ENTREP2: variants seen among roughly 807,000 people sequenced by gnomAD.
ENTREP2 encodes protein ENTREP2.
At chr15:29,156,931 C>G in the ENTREP2 span, among the ~76,000 whole-genome samples, 1 of 151,906 alleles carries the variant, frequency 6.6e-6, no homozygotes, top group Non-Finnish European at 1.5e-5. Context: ...CCCGTCTCCA[C>G]TAAAAATATA....
the ENTREP2 span, among the ~76,000 whole-genome samples, chr15:29,336,183 C>A: frequency 6.6e-6 from 1 of 150,406 alleles, no homozygotes; most frequent in African/African-American, 2.4e-5. Context: ...GGACATAAAC[C>A]CTTTTCCTAT....
the ENTREP2 span, among the ~76,000 whole-genome samples, chr15:29,647,471 A>G: frequency 6.6e-6 from 1 of 152,194 alleles, no homozygotes; most frequent in Non-Finnish European, 1.5e-5. Flanking sequence ...CTCTAATGCT[A>G]TTCTATCTCC....
the ENTREP2 span, among the ~76,000 whole-genome samples, chr15:29,628,975 C>T: frequency 6.6e-6 from 1 of 152,280 alleles, no homozygotes; most frequent in African/African-American, 2.4e-5. Context: ...GTCTTGAACT[C>T]CTGACCTCAA....
chr15:29,552,940 C>T, the ENTREP2 span, among the ~76,000 whole-genome samples: 1 of 152,190 alleles, frequency 6.6e-6, no homozygotes. Context: ...CTGGAAAGTT[C>T]TCCAATGAGG....
the ENTREP2 span, chr15:29,233,793 C>T: frequency 1.3e-6 from 2 of 1,562,194 alleles, no homozygotes; most frequent in Non-Finnish European, 1.8e-6. Context: ...CCAGATGCCT[C>T]AACAGACTGC....
the ENTREP2 span, among the ~76,000 whole-genome samples, chr15:29,193,907 C>T: frequency 1.6e-3 from 244 of 152,146 alleles, 2 homozygotes; most frequent in African/African-American, 5.8e-3. Flanking sequence ...ATACTTTAAG[C>T]ATAACTATTA....
At chr15:29,654,939 AG>A in the ENTREP2 span, among the ~76,000 whole-genome samples, 2 of 152,164 alleles carry the variant, frequency 1.3e-5, no homozygotes, top group Admixed American at 1.3e-4. Flanking sequence ...TCATGGCTTG[AG>A]TTTGACAAAA....
the ENTREP2 span, among the ~76,000 whole-genome samples, chr15:29,421,281 C>T: frequency 2.0e-5 from 3 of 152,178 alleles, no homozygotes; most frequent in Non-Finnish European, 4.4e-5. Flanking sequence ...ATAATATCTG[C>T]ATAGGTATAA....
At chr15:29,249,058 A>C in the ENTREP2 span, among the ~76,000 whole-genome samples, 1 of 152,228 alleles carries the variant, frequency 6.6e-6, no homozygotes, top group Non-Finnish European at 1.5e-5. Context: ...GTGGTGGCTC[A>C]TGCCTGTAAT....
chr15:29,481,978 G>A, the ENTREP2 span, among the ~76,000 whole-genome samples: 1 of 151,948 alleles, frequency 6.6e-6, no homozygotes, highest in Non-Finnish European at 1.5e-5. Flanking sequence ...CATCAGAGTG[G>A]TGTATTTCTT....
the ENTREP2 span, among the ~76,000 whole-genome samples, chr15:29,670,014 A>G: frequency 6.6e-6 from 1 of 152,206 alleles, no homozygotes; most frequent in Non-Finnish European, 1.5e-5. Flanking sequence ...CAGAACTTCA[A>G]GATGCTATTC....
chr15:29,230,566 G>A, the ENTREP2 span, among the ~76,000 whole-genome samples: 1 of 152,018 alleles, frequency 6.6e-6, no homozygotes, highest in African/African-American at 2.4e-5. Flanking sequence ...AAGAAAAAGA[G>A]GAGACCTACT....
chr15:29,581,942 GT>G, the ENTREP2 span, among the ~76,000 whole-genome samples: 93,152 of 138,822 alleles, frequency 0.67, 31,194 homozygotes, highest in South Asian at 0.78. Flanking sequence ...AAATATGCTG[GT>G]TTTTTTTTTT....
chr15:29,426,283 T>A, the ENTREP2 span, among the ~76,000 whole-genome samples: 6 of 152,216 alleles, frequency 3.9e-5, no homozygotes, highest in African/African-American at 1.4e-4. Flanking sequence ...CTTAACAACC[T>A]GTTCCTTCTA....
the ENTREP2 span, among the ~76,000 whole-genome samples, chr15:29,640,479 G>GA: frequency 6.6e-6 from 1 of 152,004 alleles, no homozygotes; most frequent in African/African-American, 2.4e-5. Flanking sequence ...GCAACATGGT[G>GA]AAACCCCATC....
chr15:29,172,756 G>A, the ENTREP2 span, among the ~76,000 whole-genome samples: 2 of 152,176 alleles, frequency 1.3e-5, no homozygotes, highest in East Asian at 1.9e-4. Flanking sequence ...TCTCCCTGGC[G>A]TGTTGACCCG....
the ENTREP2 span, among the ~76,000 whole-genome samples, chr15:29,629,942 C>A: frequency 6.6e-6 from 1 of 151,976 alleles, no homozygotes; most frequent in African/African-American, 2.4e-5. Context: ...CATGGTGAAA[C>A]CCCATCTCTA....
the ENTREP2 span, among the ~76,000 whole-genome samples, chr15:29,433,956 T>C: frequency 6.6e-6 from 1 of 152,184 alleles, no homozygotes; most frequent in Non-Finnish European, 1.5e-5. Flanking sequence ...ATGTATTTGT[T>C]GCTGTAAGAC....
chr15:29,162,350 T>C, the ENTREP2 span, among the ~76,000 whole-genome samples: 1 of 152,178 alleles, frequency 6.6e-6, no homozygotes, highest in Non-Finnish European at 1.5e-5. Context: ...GGTGTGCAGA[T>C]TCTCCACAGG....
Sources: gnomAD v4.1 joint callset for allele counts (sites outside exome capture counted in the v4.1 genomes callset) on GRCh38, gnomAD v4.1.1 for gene constraint, MANE v1.5 for transcripts, NCBI Gene and HGNC (gene_info 2026-07-23, HGNC 2026-07-21) for gene names.